EPHB1: variants seen among roughly 807,000 people sequenced by gnomAD.
EPHB1 encodes ephrin type-B receptor 1.
EPHB1 carries 30 observed loss-of-function variants against 94.4 expected under a neutral mutation model. The observed-to-expected ratio is 0.32, with a 90% CI of 0.24 to 0.43. The LOEUF is 0.43. Among genes scored for constraint, EPHB1 ranks in the 20% least tolerant of loss-of-function variants. The pLI, the probability that EPHB1 is intolerant of heterozygous loss-of-function variation, is 1.00. For synonymous variants in EPHB1, 522 were observed against 489.1 expected (o/e 1.07, Z -0.89); for missense variants, 1,055 against 1,308.3 (o/e 0.81, Z 2.99).
chr3:134,951,465 T>A lies in EPHB1; in HGVS notation c.218T>A (p.Leu73His). ...GAGCCCAACCAGAACAATTGGCTGCTCACCACCTTCATCAACCGGCGGGGG... is the reference window on the plus strand; with the variant it reads ...GAGCCCAACCAGAACAATTGGCTGCACACCACCTTCATCAACCGGCGGGGG... ...VFEPNQNNWL[L>H]TTFINRRGAH... Residue 73 changes from leucine to histidine, a missense_variant, in exon 3 of 16, where the codon CTC becomes CAC. Leu to His is a moderately conservative substitution (Grantham distance 99). Coordinates refer to ENST00000398015, the MANE Select transcript of EPHB1 (RefSeq NM_004441.5). The surrounding 1 kb of genome is among the most constrained non-coding windows in gnomAD (Gnocchi z 4.5). The A allele has an allele frequency of 6.2e-7, 1 of 1,613,354 alleles. No individual in the cohort carries two copies. Among genetic ancestry groups the A allele is most frequent in the South Asian group, 1.1e-5 (1 of 90,988 alleles).
chr3:135,065,340 C>T (rs1937567589), intron 3 of EPHB1, among the ~76,000 whole-genome samples: 1 of 152,132 alleles, frequency 6.6e-6, no homozygotes, highest in Non-Finnish European at 1.5e-5. Context: ...CTCTCTGTCT[C>T]ATATTTTAGG....
chr3:134,993,369 AAATGCC>A (rs1171268408), intron 3 of EPHB1, among the ~76,000 whole-genome samples: 2 of 152,202 alleles, frequency 1.3e-5, no homozygotes, highest in African/African-American at 2.4e-5. Context: ...TCTGGGTTAT[AAATGCC>A]CAGCACCAGA....
At position 135,201,640 on chromosome 3, in the gene EPHB1, C is replaced by T. The variant is rs1942759596; in HGVS notation, c.2297C>T (p.Ser766Phe). 1 of 1,613,800 alleles carries T rather than the reference C, an allele frequency of 6.2e-7. No individual in the cohort carries two copies. The highest frequency in any genetic ancestry group is 8.5e-7 in the Non-Finnish European group (1 of 1,179,960). Residue 766 changes from serine to phenylalanine, a missense_variant, in exon 12 of 16, where the codon TCC (serine) becomes TTC (phenylalanine). Ser to Phe is a radical substitution (Grantham distance 155). Transcript: ENST00000398015. The part of the protein sequence containing the change: ...LVCKVSDFGL[S>F]RYLQDDTSDP... ...TGCAAGGTGTCCGACTTTGGCCTCT[C>T]CCGCTACCTCCAGGATGACACCTCA...
chr3:135,173,281 G>A lies in EPHB1; in HGVS notation c.1759+6275G>A, dbSNP rs563044254. On this transcript the variant is annotated intron_variant, in intron 9 of 15. Transcript: ENST00000398015. ...GATCTCCTGACCTCGTGATCCGCCCGCCTCGGCCTCCCAAAGTGCTGGGAT... is the reference window on the plus strand; with the variant it reads ...GATCTCCTGACCTCGTGATCCGCCCACCTCGGCCTCCCAAAGTGCTGGGAT... Among the ~76,000 whole-genome samples, 76 of 152,110 alleles carry A rather than the reference G, an allele frequency of 5.0e-4. 1 individual carries two copies. Among genetic ancestry groups the A allele is most frequent in the Middle Eastern group, 3.4e-3 (1 of 294 alleles).
intron 4 of EPHB1, among the ~76,000 whole-genome samples, chr3:135,119,996 C>G (rs1939884595): frequency 6.6e-6 from 1 of 152,182 alleles, no homozygotes; most frequent in South Asian, 2.1e-4. Context: ...GGCACCAGTT[C>G]TAAACTGTTC....
chr3:134,905,295 G>T (rs554995080), intron 1 of EPHB1, among the ~76,000 whole-genome samples: 1 of 152,338 alleles, frequency 6.6e-6, no homozygotes, highest in Admixed American at 6.5e-5. Context: ...CTCTGAAGCC[G>T]ACATATTTTC....
At chr3:135,048,545 C>T (rs1052231547) in intron 3 of EPHB1, among the ~76,000 whole-genome samples, 11 of 152,206 alleles carry the variant, frequency 7.2e-5, no homozygotes, top group Admixed American at 3.9e-4. Context: ...GCTGGGATTA[C>T]AGGCATGAGT....
At chr3:134,838,125 A>G (rs1447381853) in intron 1 of EPHB1, among the ~76,000 whole-genome samples, 1 of 152,102 alleles carries the variant, frequency 6.6e-6, no homozygotes. Flanking sequence ...TGCCCCATGG[A>G]TTGTCAGGCT....
intron 1 of EPHB1, among the ~76,000 whole-genome samples, chr3:134,880,723 G>A (rs945778714): frequency 5.3e-5 from 8 of 152,354 alleles, no homozygotes; most frequent in African/African-American, 1.4e-4. Flanking sequence ...TGGGCAGAGC[G>A]GTAGATGAGC....
intron 1 of EPHB1, among the ~76,000 whole-genome samples, chr3:134,860,133 A>G (rs2037216512): frequency 7.0e-6 from 1 of 143,482 alleles, no homozygotes; most frequent in Non-Finnish European, 1.6e-5. Flanking sequence ...TTCAGCTGTA[A>G]CAAAAGAGAA....
At chr3:135,011,285 T>A (rs1025774729) in intron 3 of EPHB1, among the ~76,000 whole-genome samples, 4 of 152,208 alleles carry the variant, frequency 2.6e-5, no homozygotes, top group African/African-American at 9.7e-5. Flanking sequence ...GTCATTTGAT[T>A]TTTTTCTACC....
At chr3:135,029,046 A>T (rs1305670176) in intron 3 of EPHB1, among the ~76,000 whole-genome samples, 1 of 135,020 alleles carries the variant, frequency 7.4e-6, no homozygotes, top group East Asian at 2.1e-4. Context: ...TAGGATTGCA[A>T]CCCCTGCCTT....
At chr3:135,074,405 C>T (rs1043393726) in intron 3 of EPHB1, among the ~76,000 whole-genome samples, 1 of 152,110 alleles carries the variant, frequency 6.6e-6, no homozygotes, top group African/African-American at 2.4e-5. Context: ...CCACTCCAGA[C>T]TTTGTAGTCC....
intron 6 of EPHB1, among the ~76,000 whole-genome samples, chr3:135,156,797 T>G (rs1245418898): frequency 6.6e-6 from 1 of 152,240 alleles, no homozygotes; most frequent in East Asian, 1.9e-4. Context: ...TGCTAGATAT[T>G]TTTTGTCAGT....
intron 12 of EPHB1, among the ~76,000 whole-genome samples, chr3:135,213,632 A>T (rs6763363): frequency 0.022 from 3,373 of 152,234 alleles, 138 homozygotes; most frequent in African/African-American, 0.078. Flanking sequence ...TTTACCTTTT[A>T]TCAGCTGACA....
chr3:134,841,330 C>G (rs770703202), intron 1 of EPHB1: 1 of 152,224 alleles, frequency 6.6e-6, no homozygotes, highest in Non-Finnish European at 1.5e-5. Flanking sequence ...ATACCAGGGC[C>G]CTTGTTCAAC....
intron 9 of EPHB1, among the ~76,000 whole-genome samples, chr3:135,176,002 G>A (rs1941967773): frequency 6.6e-6 from 1 of 152,136 alleles, no homozygotes. Flanking sequence ...CACAAAATGA[G>A]CCAAAAGACA....
At chr3:134,925,952 A>G in intron 2 of EPHB1, 72 bp downstream of exon 2, 15 of 1,342,666 alleles carry the variant, frequency 1.1e-5, no homozygotes, top group Non-Finnish European at 1.5e-5. Flanking sequence ...AGGGGAGTAG[A>G]GACTACCCAG....
chr3:134,897,874 G>A lies in EPHB1; in HGVS notation c.59-27942G>A, dbSNP rs887058075. ...TGACAGCTGGGGCTGTCAGTGCTGCGACAAAGGGTGGAGGTTAAAGCCCTT... is the reference window on the plus strand; with the variant it reads ...TGACAGCTGGGGCTGTCAGTGCTGCAACAAAGGGTGGAGGTTAAAGCCCTT... On this transcript the variant is annotated intron_variant, in intron 1 of 15. Transcript: ENST00000398015. Among the ~76,000 whole-genome samples the A allele has an allele frequency of 4.6e-5, 7 of 152,150 alleles. No individual in the cohort carries two copies. In the South Asian group the frequency reaches 8.3e-4, roughly 18 times the overall value.
Sources: gnomAD v4.1 joint callset for allele counts (sites outside exome capture counted in the v4.1 genomes callset) on GRCh38, gnomAD v4.1.1 for gene constraint, Gnocchi (gnomAD v3.1) non-coding constraint, MANE v1.5 for transcripts, NCBI Gene and HGNC (gene_info 2026-07-23, HGNC 2026-07-21) for gene names.